The following LIPC variants were observed in gnomAD, a reference collection of about 807,000 sequenced individuals.
The protein encoded by LIPC is lipase C, hepatic type.
In LIPC, 44 loss-of-function variants were observed where a neutral mutation model predicts 50.7. That is an observed-to-expected ratio of 0.87 (90% CI 0.68 to 1.11). LIPC has a LOEUF of 1.11. LIPC is among the 50% of genes most tolerant of loss of function. The probability of loss-of-function intolerance (pLI) is 0.00; values close to 1 mark genes in which losing one functional copy is unlikely to be tolerated. For synonymous variants in LIPC, 271 were observed against 256.4 expected, an observed-to-expected ratio of 1.06 and a Z score of -0.54; for missense variants, 697 against 648.2, an observed-to-expected ratio of 1.08 and a Z score of -0.82.
intron 1 of LIPC, among the ~76,000 whole-genome samples, chr15:58,457,880 C>T (rs1013013753): frequency 1.3e-5 from 2 of 152,190 alleles, no homozygotes; most frequent in South Asian, 4.1e-4. Context: ...CTCCATCCTG[C>T]CCCTGATGCT....
At chr15:58,518,429 C>T (rs1329931732) in intron 1 of LIPC, among the ~76,000 whole-genome samples, 3 of 152,154 alleles carry the variant, frequency 2.0e-5, no homozygotes, top group Non-Finnish European at 2.9e-5. Context: ...TCTGGGACCA[C>T]GAAACTTGGC....
At chr15:58,458,375 C>A (rs1264525839) in intron 1 of LIPC, among the ~76,000 whole-genome samples, 1 of 152,198 alleles carries the variant, frequency 6.6e-6, no homozygotes, top group South Asian at 2.1e-4. Flanking sequence ...GTCCTTCTAC[C>A]TCTTGCAATT....
At chr15:58,473,167 G>A (rs1193642772) in intron 1 of LIPC, among the ~76,000 whole-genome samples, 3 of 152,110 alleles carry the variant, frequency 2.0e-5, no homozygotes, top group Non-Finnish European at 4.4e-5. Context: ...GAAGGCTGCT[G>A]GGGGCCTGTG....
intron 1 of LIPC, among the ~76,000 whole-genome samples, chr15:58,520,538 G>A (rs1892623402): frequency 6.6e-6 from 1 of 152,208 alleles, no homozygotes; most frequent in Non-Finnish European, 1.5e-5. Context: ...CAGCTCAACA[G>A]TATACAAGCC....
intron 1 of LIPC, among the ~76,000 whole-genome samples, chr15:58,515,531 C>CATATAT (rs1404479015): frequency 7.0e-5 from 3 of 42,670 alleles, no homozygotes; most frequent in African/African-American, 2.2e-4. Flanking sequence ...CATATACACA[C>CATATAT]ACATATATAT....
intron 1 of LIPC, among the ~76,000 whole-genome samples, chr15:58,488,101 T>A (rs1450592639): frequency 6.6e-6 from 1 of 152,204 alleles, no homozygotes; most frequent in Non-Finnish European, 1.5e-5. Flanking sequence ...AAAACCCCCA[T>A]TTCTACTAAA....
At chr15:58,437,322 A>G (rs776484417) in intron 1 of LIPC, among the ~76,000 whole-genome samples, 25 of 152,290 alleles carry the variant, frequency 1.6e-4, no homozygotes, top group South Asian at 1.0e-3. Context: ...GAAAAAGCTC[A>G]GTAACAACTG....
intron 1 of LIPC, among the ~76,000 whole-genome samples, chr15:58,499,293 G>GGCT (rs1891890563): frequency 6.6e-6 from 1 of 152,182 alleles, no homozygotes. Context: ...AGCCAAAAGA[G>GGCT]GCTGAGTCTA....
At chr15:58,544,730 C>T in intron 4 of LIPC, among the ~76,000 whole-genome samples, 1 of 152,172 alleles carries the variant, frequency 6.6e-6, no homozygotes, top group Non-Finnish European at 1.5e-5. Context: ...GTGGGTAGGG[C>T]TGGAGAACGG....
chr15:58,543,441 A>G (rs1893408384), intron 4 of LIPC, among the ~76,000 whole-genome samples: 2 of 151,786 alleles, frequency 1.3e-5, no homozygotes, highest in Non-Finnish European at 1.5e-5. Flanking sequence ...GTTTTTCTCT[A>G]CTTCACAAAC....
intron 1 of LIPC, among the ~76,000 whole-genome samples, chr15:58,440,465 G>C (rs113539107): frequency 0.014 from 2,099 of 152,280 alleles, 37 homozygotes; most frequent in African/African-American, 0.049. Flanking sequence ...ATCAACAGCA[G>C]CTGTGACAGC....
intron 8 of LIPC, chr15:58,565,755 A>C: frequency 1.0e-6 from 1 of 990,744 alleles, no homozygotes; most frequent in Non-Finnish European, 1.2e-6. Flanking sequence ...AATCTAGCAG[A>C]GTTGCAGTGC....
chr15:58,432,926 C>A (rs1893173808), intron 1 of LIPC, among the ~76,000 whole-genome samples: 1 of 152,168 alleles, frequency 6.6e-6, no homozygotes, highest in Non-Finnish European at 1.5e-5. Flanking sequence ...TTGGAGAGAG[C>A]TCCGACAACT....
chr15:58,541,578 G>A (rs1893325153), intron 2 of LIPC, among the ~76,000 whole-genome samples: 1 of 152,100 alleles, frequency 6.6e-6, no homozygotes, highest in Admixed American at 6.5e-5. Context: ...CATCTAGTTG[G>A]TGAAGGCCAG....
chr15:58,491,957 A>C (rs757738062), intron 1 of LIPC, among the ~76,000 whole-genome samples: 84 of 152,196 alleles, frequency 5.5e-4, no homozygotes, highest in Non-Finnish European at 1.1e-3. Flanking sequence ...GACCTGGAGC[A>C]GGGGGTCCCA....
chr15:58,476,650 C>G (rs146163527), intron 1 of LIPC, among the ~76,000 whole-genome samples: 1 of 152,210 alleles, frequency 6.6e-6, no homozygotes, highest in African/African-American at 2.4e-5. Context: ...CATGGTGCCA[C>G]AGAAAAAACG....
Position 58,496,519 on chromosome 15 carries a change from A to G in LIPC, c.89-41814A>G, listed in dbSNP as rs547208690. ...AGAAAAGGAAGGGAAAGAATGACAGAAAAAGATATCAGGCTTTCCTGGCAG... is the reference window on the plus strand; with the variant it reads ...AGAAAAGGAAGGGAAAGAATGACAGGAAAAGATATCAGGCTTTCCTGGCAG... On this transcript the variant is annotated intron_variant, in intron 1 of 8. Coordinates refer to ENST00000299022, the MANE Select transcript of LIPC (RefSeq NM_000236.3). Among the ~76,000 whole-genome samples the G allele has an allele frequency of 7.9e-5, 12 of 152,276 alleles. No individual in the cohort carries two copies. The East Asian group carries it at 2.3e-3, about 29-fold the overall frequency.
chr15:58,501,154 C>A (rs1363870861), intron 1 of LIPC, among the ~76,000 whole-genome samples: 1 of 152,050 alleles, frequency 6.6e-6, no homozygotes, highest in Non-Finnish European at 1.5e-5. Context: ...GCACCCTTTC[C>A]TCTGCGTCTC....
intron 1 of LIPC, among the ~76,000 whole-genome samples, chr15:58,513,720 A>C (rs1892400821): frequency 1.3e-5 from 2 of 152,054 alleles, no homozygotes; most frequent in South Asian, 4.1e-4. Context: ...CCTCAAAGCA[A>C]CTCCCTCAGT....
Sources: gnomAD v4.1 joint callset for allele counts (sites outside exome capture counted in the v4.1 genomes callset) on GRCh38, gnomAD v4.1.1 for gene constraint, MANE v1.5 for transcripts, NCBI Gene and HGNC (gene_info 2026-07-23, HGNC 2026-07-21) for gene names.